The following PHKB variants were observed in gnomAD, a reference collection of about 807,000 sequenced individuals.
PHKB encodes phosphorylase b kinase regulatory subunit beta.
PHKB carries 122 observed loss-of-function variants against 152.1 expected under a neutral mutation model. The observed-to-expected ratio is 0.80, with a 90% CI of 0.69 to 0.93. PHKB has a LOEUF of 0.93. PHKB is among the 40% of genes least tolerant of loss of function. The pLI is 0.00. For missense variants in PHKB, 1,304 were observed against 1,328.4 expected, an observed-to-expected ratio of 0.98 and a Z score of 0.29; for synonymous variants, 436 against 464.9, an observed-to-expected ratio of 0.94 and a Z score of 0.80.
chr16:47,540,271 T>A (rs2151667555), intron 6 of PHKB, among the ~76,000 whole-genome samples: 1 of 134,274 alleles, frequency 7.4e-6, no homozygotes, highest in East Asian at 2.6e-4. Flanking sequence ...CCGGTAAATT[T>A]GAGGTCAGAC....
intron 1 of PHKB, among the ~76,000 whole-genome samples, chr16:47,488,845 T>C (rs1289512800): frequency 6.6e-6 from 1 of 152,216 alleles, no homozygotes; most frequent in African/African-American, 2.4e-5. Flanking sequence ...TTGGTTACCG[T>C]AGCTGCCTTG....
chr16:47,633,110 A>G (rs1427879720), intron 14 of PHKB, among the ~76,000 whole-genome samples: 1 of 152,212 alleles, frequency 6.6e-6, no homozygotes, highest in Non-Finnish European at 1.5e-5. Flanking sequence ...GAAAATTTTG[A>G]ATGAGAATAT....
intron 26 of PHKB, chr16:47,675,992 A>T (rs1294708496): frequency 5.9e-5 from 9 of 152,158 alleles, no homozygotes; most frequent in Non-Finnish European, 1.2e-4. Flanking sequence ...ATTAGACTTC[A>T]TCCTCAATAA....
At chr16:47,467,627 A>G (rs1266447666) in intron 1 of PHKB, among the ~76,000 whole-genome samples, 1 of 152,186 alleles carries the variant, frequency 6.6e-6, no homozygotes, top group Admixed American at 6.5e-5. Context: ...TATAAGATTT[A>G]GGAAATAGAG....
intron 6 of PHKB, among the ~76,000 whole-genome samples, chr16:47,547,081 C>T (rs1263309628): frequency 6.6e-6 from 1 of 152,176 alleles, no homozygotes; most frequent in African/African-American, 2.4e-5. Flanking sequence ...GATGCCCCAC[C>T]CTGCTTCAGC....
chr16:47,490,722 T>A (rs1453209157), intron 1 of PHKB, among the ~76,000 whole-genome samples: 1 of 152,232 alleles, frequency 6.6e-6, no homozygotes, highest in Non-Finnish European at 1.5e-5. Flanking sequence ...ACTGAGAAAT[T>A]TTAATGAAGC....
At chr16:47,562,967 GAAC>G (rs1448294734) in intron 7 of PHKB, among the ~76,000 whole-genome samples, 1 of 152,078 alleles carries the variant, frequency 6.6e-6, no homozygotes, top group African/African-American at 2.4e-5. Flanking sequence ...TTCATCTCAA[GAAC>G]CACTTTCTTT....
chr16:47,574,308 A>G (rs977353766), intron 7 of PHKB, among the ~76,000 whole-genome samples: 3 of 152,172 alleles, frequency 2.0e-5, no homozygotes, highest in African/African-American at 7.2e-5. Context: ...CCCCAGTGTC[A>G]ATGTGTAATC....
chr16:47,603,626 C>G (rs955779151), intron 13 of PHKB, among the ~76,000 whole-genome samples: 1 of 151,790 alleles, frequency 6.6e-6, no homozygotes, highest in African/African-American at 2.4e-5. Flanking sequence ...GCCTCAGCCT[C>G]CCAAGTAGCT....
rs767949904 is a variant in PHKB, at chr16:47,547,437, C to T, written c.599C>T (p.Ser200Phe). ...TTTCATTTCTTTTTCTTTTAGGTCT[C>T]TTTTATTCAAAACCTTGTATTTTGT... ...LQIIYNTDEV[S>F]FIQNLVFCVE... The change falls in exon 7 of 31, where the codon TCT (serine) becomes TTT (phenylalanine). Residue 200 changes from serine (S) to phenylalanine (F), a missense_variant. By Grantham distance (155) the Ser-to-Phe change is radical. Coordinates refer to ENST00000323584, the MANE Select transcript of PHKB (RefSeq NM_000293.3). The T allele has an allele frequency of 2.5e-5, 40 of 1,594,604 alleles. No homozygotes were observed. The South Asian group carries it at 4.3e-4, about 17-fold the overall frequency.
chr16:47,661,035 A>G (rs1165416476), intron 22 of PHKB, among the ~76,000 whole-genome samples: 1 of 152,160 alleles, frequency 6.6e-6, no homozygotes, highest in African/African-American at 2.4e-5. Context: ...GCAGGTGAAT[A>G]TGTTTGTCTT....
intron 25 of PHKB, chr16:47,666,098 AT>A: frequency 8.7e-7 from 1 of 1,148,140 alleles, no homozygotes; most frequent in Non-Finnish European, 1.3e-6. Context: ...AGGACCCTTA[AT>A]TTTAAGTCTG....
At position 47,698,572 on chromosome 16, in the gene PHKB, AGG is replaced by A; in HGVS notation, c.3129_3130del (p.Glu1044AsnfsTer2). ...TTTCAAAAAGATCAGAGTCGGCTAA[AGG>A]AAATTGAAAAACAAGTAAGTACACA... On this transcript the variant is annotated frameshift_variant, in exon 30 of 31. Transcript: ENST00000323584. LOFTEE classifies it high-confidence loss of function. The A allele has an allele frequency of 6.3e-7, 1 of 1,592,598 alleles. No individual in the cohort carries two copies. Among genetic ancestry groups the A allele is most frequent in the South Asian group, 1.1e-5 (1 of 89,820 alleles).
intron 6 of PHKB, among the ~76,000 whole-genome samples, 156 bp downstream of exon 6, chr16:47,515,757 C>G (rs999995702): frequency 6.6e-6 from 1 of 151,776 alleles, no homozygotes; most frequent in African/African-American, 2.4e-5. Context: ...ATGAAAAAGT[C>G]TTTATATCTT....
intron 7 of PHKB, among the ~76,000 whole-genome samples, chr16:47,578,365 A>T (rs1262952886): frequency 6.6e-6 from 1 of 152,082 alleles, no homozygotes; most frequent in Non-Finnish European, 1.5e-5. Context: ...GTTTCCAGGT[A>T]TGAGGAGTGT....
chr16:47,675,081 G>C (rs1252431320), intron 26 of PHKB, among the ~76,000 whole-genome samples: 1 of 152,126 alleles, frequency 6.6e-6, no homozygotes, highest in Non-Finnish European at 1.5e-5. Flanking sequence ...CTTGCCCTTT[G>C]GGTTATCCCA....
intron 14 of PHKB, among the ~76,000 whole-genome samples, chr16:47,616,018 G>A (rs767517734): frequency 2.0e-5 from 3 of 152,010 alleles, no homozygotes; most frequent in African/African-American, 4.8e-5. Flanking sequence ...CAGATACTGC[G>A]GCCATTTTTT....
chr16:47,499,262 G>T (rs1970283306), intron 2 of PHKB, among the ~76,000 whole-genome samples: 1 of 152,194 alleles, frequency 6.6e-6, no homozygotes, highest in Non-Finnish European at 1.5e-5. Context: ...CAGGATTCCA[G>T]CCTGTTCTGT....
chr16:47,648,702 T>A, intron 17 of PHKB, 86 bp downstream of exon 17: 1 of 837,964 alleles, frequency 1.2e-6, no homozygotes, highest in East Asian at 2.4e-5. Flanking sequence ...GCATCCTTTT[T>A]CATTTTCATT....
Sources: gnomAD v4.1 joint callset for allele counts (sites outside exome capture counted in the v4.1 genomes callset) on GRCh38, gnomAD v4.1.1 for gene constraint, MANE v1.5 for transcripts, NCBI Gene and HGNC (gene_info 2026-07-23, HGNC 2026-07-21) for gene names.